ABLIM2: variants seen among roughly 807,000 people sequenced by gnomAD.
ABLIM2 encodes actin-binding LIM protein 2.
In ABLIM2, 53 loss-of-function variants were observed where a neutral mutation model predicts 97.7. The observed-to-expected ratio is 0.54, with a 90% confidence interval of 0.44 to 0.68. ABLIM2 has a LOEUF of 0.68. ABLIM2 is among the 30% of genes least tolerant of loss of function. The pLI is 0.00. For synonymous variants in ABLIM2, 361 were observed against 345.8 expected, an observed-to-expected ratio of 1.04 and a Z score of -0.49; for missense variants, 835 against 867.2, an observed-to-expected ratio of 0.96 and a Z score of 0.47.
chr4:8,050,505 G>A (rs1795281089), intron 8 of ABLIM2, among the ~76,000 whole-genome samples: 1 of 152,180 alleles, frequency 6.6e-6, no homozygotes, highest in South Asian at 2.1e-4. Flanking sequence ...CCAGGAGCTG[G>A]CACAGAGGGG....
At position 8,054,405 on chromosome 4, in the gene ABLIM2, G is replaced by A. The variant is rs888162245; in HGVS notation, c.764-159C>T. ...GCATCCTCTCTGTGCTGGAGTTAGT[G>A]CCGGGCAGGGGGTACCCAGATCACA... On this transcript the variant is annotated intron_variant, in intron 7 of 20. Transcript: ENST00000447017. The surrounding 1 kb of genome is among the most constrained non-coding windows in gnomAD (Gnocchi z 4.9). Among the ~76,000 whole-genome samples the A allele has an allele frequency of 6.6e-6, 1 of 152,260 alleles. No homozygotes were observed. The highest frequency in any genetic ancestry group is 1.5e-5 in the Non-Finnish European group (1 of 68,054).
At chr4:8,014,624 A>G (rs1048837216) in intron 14 of ABLIM2, among the ~76,000 whole-genome samples, 4 of 152,232 alleles carry the variant, frequency 2.6e-5, no homozygotes, top group African/African-American at 9.6e-5. Flanking sequence ...GATCGGGGGA[A>G]TGCAGGGTCA....
In ABLIM2 at chr4:8,100,487, C is replaced by A. The variant is rs1276286537; in HGVS notation, c.155-3205G>T. 2.0e-5 allele frequency among the ~76,000 whole-genome samples: 3 copies of A among 152,086 alleles called. No individual in the cohort carries two copies. The East Asian group carries it at 5.8e-4, about 29-fold the overall frequency. On this transcript the variant is annotated intron_variant, in intron 2 of 20. Coordinates refer to ENST00000447017, the MANE Select transcript of ABLIM2 (RefSeq NM_001130083.2). ...GAAGGCAGGGTGCGGTGGCTCACAC[C>A]TGAAATACCAGCACTTTGGGAGGCT...
In ABLIM2 at chr4:8,120,432, C is replaced by A. The variant is rs1038780441; in HGVS notation, c.11-13795G>T. On this transcript the variant is annotated intron_variant, in intron 1 of 20. Transcript: ENST00000447017. The surrounding 1 kb of genome is among the most constrained non-coding windows in gnomAD (Gnocchi z 5.6). ...GACACAGAGACAACCCCAGACAATC[C>A]CCCGTCTGTGTGTTTTGTCGTGGCA... 6.6e-6 allele frequency among the ~76,000 whole-genome samples: 1 copy of A among 152,176 alleles called. No homozygotes were observed. The highest frequency in any genetic ancestry group is 1.5e-5 in the Non-Finnish European group (1 of 68,036).
rs559851683 is a variant in ABLIM2, at chr4:7,998,978, G to A, written c.1619-6051C>T. On this transcript the variant is annotated intron_variant, in intron 16 of 20. Transcript: ENST00000447017. The surrounding 1 kb of genome is among the most constrained non-coding windows in gnomAD (Gnocchi z 6.4). ...CTGGACTGCTGTCTGGACTCCTGAA[G>A]TTGGTCTCTGTTGGGGTGGACCAGC... Among the ~76,000 whole-genome samples the A allele has an allele frequency of 2.6e-5, 4 of 152,366 alleles. No individual in the cohort carries two copies. The highest frequency in any genetic ancestry group is 5.9e-5 in the Non-Finnish European group (4 of 68,044).
chr4:8,102,145 G>A lies in ABLIM2; in HGVS notation c.154+4349C>T, dbSNP rs567812916. On this transcript the variant is annotated intron_variant, in intron 2 of 20. Coordinates refer to ENST00000447017, the MANE Select transcript of ABLIM2 (RefSeq NM_001130083.2). ...CCACGGTCTTTGCAGGGATGTAGAG[G>A]CTCTATCTCCCTAATCCCCTTGGTC... is the stretch of plus-strand genomic sequence containing the variant. Among the ~76,000 whole-genome samples the A allele has an allele frequency of 6.6e-5, 10 of 152,336 alleles. No individual in the cohort carries two copies. In the South Asian group the frequency reaches 2.1e-3, roughly 32 times the overall value.
At chr4:7,971,223 C>G (rs1307453490) in intron 20 of ABLIM2, among the ~76,000 whole-genome samples, 2 of 152,160 alleles carry the variant, frequency 1.3e-5, no homozygotes, top group Admixed American at 1.3e-4. Context: ...CATGGGTCTG[C>G]CAGGGCAGGC....
chr4:8,045,311 G>A, intron 8 of ABLIM2, 70 bp from the exon 9 acceptor site: 1 of 1,376,412 alleles, frequency 7.3e-7, no homozygotes, highest in South Asian at 1.2e-5. Flanking sequence ...CGACTGTCAG[G>A]AGTTCCACTC....
chr4:7,977,050 T>C (rs1734042960), intron 20 of ABLIM2, among the ~76,000 whole-genome samples: 1 of 152,144 alleles, frequency 6.6e-6, no homozygotes. Context: ...TCCCCACATG[T>C]GGAGGGAGGG....
chr4:8,052,794 G>C (rs1796866487), intron 8 of ABLIM2, among the ~76,000 whole-genome samples: 1 of 152,234 alleles, frequency 6.6e-6, no homozygotes, highest in Admixed American at 6.5e-5. Flanking sequence ...GCCCCACTTT[G>C]TTCCCTGCAG....
chr4:8,066,668 A>G (rs1284023285), intron 6 of ABLIM2: 1 of 152,156 alleles, frequency 6.6e-6, no homozygotes, highest in Non-Finnish European at 1.5e-5. Flanking sequence ...GGGGTAGAGG[A>G]TTCCTTCACT....
chr4:8,003,914 C>T lies in ABLIM2; in HGVS notation c.1618+4145G>A, dbSNP rs1009111605. On this transcript the variant is annotated intron_variant, in intron 16 of 20. Transcript: ENST00000447017. This position sits in a 1 kb window ranked among gnomAD's most constrained non-coding sequence, Gnocchi z 4.2. ...CATATTCCATACCTAGGGGGTCTCA[C>T]GTCTCTAAGCCTGAGGCCAGGTGCC... Among the ~76,000 whole-genome samples the T allele has an allele frequency of 2.6e-5, 4 of 152,134 alleles. No individual in the cohort carries two copies. The highest frequency in any genetic ancestry group is 4.8e-5 in the African/African-American group (2 of 41,446).
chr4:7,998,115 AG>A lies in ABLIM2; in HGVS notation c.1619-5189del, dbSNP rs1754635041. ...GGGCTCGTCTTCAACTCCTGATCTCAGGTGATCTGATCCGTCCTCCTCGGCC... is the reference window on the plus strand; with the variant it reads ...GGGCTCGTCTTCAACTCCTGATCTCAGTGATCTGATCCGTCCTCCTCGGCC... On this transcript the variant is annotated intron_variant, in intron 16 of 20. Transcript: ENST00000447017. The surrounding 1 kb of genome is among the most constrained non-coding windows in gnomAD (Gnocchi z 6.4). Among the ~76,000 whole-genome samples, 1 of 151,914 alleles carries A rather than the reference AG, an allele frequency of 6.6e-6. No homozygotes were observed. Among genetic ancestry groups the A allele is most frequent in the African/African-American group, 2.4e-5 (1 of 41,360 alleles).
intron 2 of ABLIM2, among the ~76,000 whole-genome samples, chr4:8,098,017 C>T (rs1207802488): frequency 2.0e-5 from 3 of 152,200 alleles, no homozygotes; most frequent in Non-Finnish European, 4.4e-5. Flanking sequence ...GAACACTCGC[C>T]CTCAGGACAA....
intron 6 of ABLIM2, among the ~76,000 whole-genome samples, chr4:8,063,668 C>G (rs907073895): frequency 1.3e-5 from 2 of 152,238 alleles, no homozygotes; most frequent in African/African-American, 4.8e-5. Flanking sequence ...TGGCTGTCCG[C>G]AAGTCCTGGT....
chr4:7,967,203 C>A, intron 20 of ABLIM2, 100 bp from the exon 21 acceptor site: 4 of 972,186 alleles, frequency 4.1e-6, no homozygotes, highest in Non-Finnish European at 6.5e-6. Flanking sequence ...GGCAGGATTG[C>A]ATTGAGGATG....
At position 8,130,028 on chromosome 4, in the gene ABLIM2, C is replaced by T. The variant is rs2152929318; in HGVS notation, c.11-23391G>A. ...CCCTGCGGGCTCCCAGCACTCAGCA[C>T]TGCCTGGGGTTCCCACGGAGAAGGA... On this transcript the variant is annotated intron_variant, in intron 1 of 20. Transcript: ENST00000447017. The surrounding 1 kb of genome is among the most constrained non-coding windows in gnomAD (Gnocchi z 4.2). Among the ~76,000 whole-genome samples, 1 of 152,374 alleles carries T rather than the reference C, an allele frequency of 6.6e-6. No homozygotes were observed. Among genetic ancestry groups the T allele is most frequent in the African/African-American group, 2.4e-5 (1 of 41,596 alleles).
chr4:8,093,815 G>C (rs180922725), intron 3 of ABLIM2, among the ~76,000 whole-genome samples: 10 of 152,214 alleles, frequency 6.6e-5, no homozygotes, highest in Middle Eastern at 3.4e-3. Flanking sequence ...AATTTGATTA[G>C]GATAGATTTG....
At chr4:8,119,171 A>G (rs1049462099) in intron 1 of ABLIM2, among the ~76,000 whole-genome samples, 75 of 152,040 alleles carry the variant, frequency 4.9e-4, no homozygotes, top group African/African-American at 1.6e-3. Context: ...ACTGGTCTCA[A>G]ACGTGTCTCA....
Sources: gnomAD v4.1 joint callset for allele counts (sites outside exome capture counted in the v4.1 genomes callset) on GRCh38, gnomAD v4.1.1 for gene constraint, Gnocchi (gnomAD v3.1) non-coding constraint, MANE v1.5 for transcripts, NCBI Gene and HGNC (gene_info 2026-07-23, HGNC 2026-07-21) for gene names.